SLC44A5: variants seen among roughly 807,000 people sequenced by gnomAD.
The protein encoded by SLC44A5 is solute carrier family 44 member 5, also known as choline transporter-like protein 5.
A neutral mutation model predicts 101.8 loss-of-function variants in SLC44A5; 57 were observed. The ratio of observed to expected loss-of-function variants is 0.56; its 90% CI spans 0.45 to 0.70. The LOEUF (loss-of-function observed/expected upper bound fraction) is 0.70, where lower values mean the gene tolerates loss of function less well. Among genes scored for constraint, SLC44A5 ranks in the 30% least tolerant of loss-of-function variants. The pLI, the probability that SLC44A5 is intolerant of heterozygous loss-of-function variation, is 0.00. For synonymous variants in SLC44A5, 281 were observed against 290.9 expected, an observed-to-expected ratio of 0.97 and a Z score of 0.35; for missense variants, 737 against 853.1, an observed-to-expected ratio of 0.86 and a Z score of 1.70.
intron 5 of SLC44A5, among the ~76,000 whole-genome samples, chr1:75,282,064 G>C (rs1652644215): frequency 6.6e-6 from 1 of 152,204 alleles, no homozygotes; most frequent in Non-Finnish European, 1.5e-5. Flanking sequence ...AAAAGCCACA[G>C]ACACTCAATG....
At chr1:75,717,114 C>T in the SLC44A5 span, among the ~76,000 whole-genome samples, 1 of 151,892 alleles carries the variant, frequency 6.6e-6, no homozygotes, top group Non-Finnish European at 1.5e-5. Flanking sequence ...GAAATAAGAT[C>T]ATGTCATTTG....
At chr1:75,645,850 G>A in the SLC44A5 span, among the ~76,000 whole-genome samples, 1 of 136,072 alleles carries the variant, frequency 7.3e-6, no homozygotes, top group Non-Finnish European at 1.6e-5. Flanking sequence ...TTCTGCATAT[G>A]GCTAGCCAGT....
chr1:75,485,315 T>G (rs1192773109), intron 2 of SLC44A5, among the ~76,000 whole-genome samples: 1 of 152,216 alleles, frequency 6.6e-6, no homozygotes, highest in African/African-American at 2.4e-5. Flanking sequence ...TGCTTAGAAA[T>G]TTCTTCTGTC....
chr1:75,645,529 C>T, the SLC44A5 span, among the ~76,000 whole-genome samples: 7 of 151,614 alleles, frequency 4.6e-5, no homozygotes, highest in Admixed American at 3.9e-4. Flanking sequence ...GGATATTAGC[C>T]GTTTGTCAGA....
intron 5 of SLC44A5, 106 bp downstream of exon 5, chr1:75,300,506 T>C: frequency 1.5e-6 from 1 of 647,314 alleles, no homozygotes; most frequent in Admixed American, 3.2e-5. Flanking sequence ...CAACAGTCAA[T>C]AATAGGAAGG....
chr1:75,464,221 C>CAAAAAAAAAAA (rs57630961), intron 2 of SLC44A5, among the ~76,000 whole-genome samples: 2 of 52,200 alleles, frequency 3.8e-5, no homozygotes, highest in Admixed American at 2.2e-4. Flanking sequence ...GACTCTGTCT[C>CAAAAAAAAAAA]AAAAAAAAAA....
At chr1:75,469,900 G>GAA (rs1171157547) in intron 2 of SLC44A5, among the ~76,000 whole-genome samples, 6,610 of 80,180 alleles carry the variant, frequency 0.082, 341 homozygotes, top group Admixed American at 0.15. Flanking sequence ...ACCTTGTGAA[G>GAA]AAAAAAAAAA....
intron 3 of SLC44A5, among the ~76,000 whole-genome samples, chr1:75,394,384 A>G (rs1211071675): frequency 6.6e-6 from 1 of 152,196 alleles, no homozygotes; most frequent in Non-Finnish European, 1.5e-5. Flanking sequence ...CAATGCCTAT[A>G]AACAATTCTT....
intron 2 of SLC44A5, among the ~76,000 whole-genome samples, chr1:75,450,701 G>A (rs1665856073): frequency 6.6e-6 from 1 of 152,194 alleles, no homozygotes. Flanking sequence ...GCTACCCTGA[G>A]GTTGTGATGA....
chr1:75,458,560 A>G (rs1009236040), intron 2 of SLC44A5, among the ~76,000 whole-genome samples: 14 of 152,210 alleles, frequency 9.2e-5, no homozygotes, highest in Non-Finnish European at 1.9e-4. Flanking sequence ...AAAGGTTGTT[A>G]CATTACAGAA....
At chr1:75,339,771 A>G (rs1048216114) in intron 3 of SLC44A5, 141 bp from the exon 4 acceptor site, 1 of 625,288 alleles carries the variant, frequency 1.6e-6, no homozygotes, top group Admixed American at 3.1e-5. Context: ...ATGAAACATA[A>G]GTATGTCTTG....
At chr1:75,356,222 AAAAAAAAAAAG>A in intron 3 of SLC44A5, among the ~76,000 whole-genome samples, 1 of 151,148 alleles carries the variant, frequency 6.6e-6, no homozygotes, top group African/African-American at 2.4e-5. Flanking sequence ...AAAAAAAAAA[AAAAAAAAAAAG>A]AGATATTCTA....
At chr1:75,721,188 A>G in the SLC44A5 span, among the ~76,000 whole-genome samples, 1 of 152,172 alleles carries the variant, frequency 6.6e-6, no homozygotes, top group Non-Finnish European at 1.5e-5. Flanking sequence ...GTAGTCTTTC[A>G]GGTTAAATTT....
At chr1:75,230,975 T>C (rs140433030) in intron 12 of SLC44A5, among the ~76,000 whole-genome samples, 1 of 152,338 alleles carries the variant, frequency 6.6e-6, no homozygotes, top group Non-Finnish European at 1.5e-5. Flanking sequence ...ATCTCATGTT[T>C]ATAGTATCCA....
chr1:75,637,255 C>T, the SLC44A5 span, among the ~76,000 whole-genome samples: 1 of 151,974 alleles, frequency 6.6e-6, no homozygotes, highest in Admixed American at 6.6e-5. Flanking sequence ...AAGGTGGAAA[C>T]AACCCAAACA....
chr1:75,414,773 A>G (rs1169544306), intron 2 of SLC44A5, among the ~76,000 whole-genome samples: 1 of 152,210 alleles, frequency 6.6e-6, no homozygotes, highest in African/African-American at 2.4e-5. Flanking sequence ...AAGCATGCAT[A>G]TTAAAGGATC....
chr1:75,280,663 T>C lies in SLC44A5; in HGVS notation c.176-5621A>G, dbSNP rs191847085. Among the ~76,000 whole-genome samples, 166 of 150,154 alleles carry C rather than the reference T, an allele frequency of 1.1e-3. 1 individual carries two copies. Among genetic ancestry groups the C allele is most frequent in the Non-Finnish European group, 3.0e-5 (2 of 67,738 alleles). On this transcript the variant is annotated intron_variant, in intron 5 of 23. Transcript: ENST00000370859. The stretch of plus-strand genomic sequence containing the variant: ...GTTGGAAGAGGGATCTCGTGGGAGG[T>C]GATTAGATCATGAGGGTGGTTCTAC...
At chr1:75,516,194 C>T (rs1669819487) in intron 2 of SLC44A5, among the ~76,000 whole-genome samples, 1 of 152,122 alleles carries the variant, frequency 6.6e-6, no homozygotes, top group Non-Finnish European at 1.5e-5. Context: ...TTTCCAAATT[C>T]CTTATCTAAA....
intron 2 of SLC44A5, among the ~76,000 whole-genome samples, chr1:75,476,317 G>C (rs376896620): frequency 2.6e-5 from 4 of 152,244 alleles, no homozygotes; most frequent in Non-Finnish European, 5.9e-5. Flanking sequence ...CTCCCAGCGT[G>C]AGTGACGCAG....
Sources: gnomAD v4.1 joint callset for allele counts (sites outside exome capture counted in the v4.1 genomes callset) on GRCh38, gnomAD v4.1.1 for gene constraint, MANE v1.5 for transcripts, NCBI Gene and HGNC (gene_info 2026-07-23, HGNC 2026-07-21) for gene names.